RUNDC3B: variants seen among roughly 807,000 people sequenced by gnomAD.
RUNDC3B encodes the protein RUN domain containing 3B, also known as RUN domain-containing protein 3B.
Under a neutral mutation model 58.4 loss-of-function variants are expected in RUNDC3B, and 33 were observed. The ratio of observed to expected loss-of-function variants is 0.56; its 90% CI spans 0.43 to 0.75. The LOEUF is 0.75. Among genes scored for constraint, RUNDC3B ranks in the 30% least tolerant of loss-of-function variants. RUNDC3B has a pLI of 0.00. For missense variants in RUNDC3B, 501 were observed against 535.7 expected, an observed-to-expected ratio of 0.94 and a Z score of 0.64; for synonymous variants, 193 against 195.2, an observed-to-expected ratio of 0.99 and a Z score of 0.10.
chr7:87,788,412 A>G (rs1256959370), intron 8 of RUNDC3B, among the ~76,000 whole-genome samples: 2 of 152,192 alleles, frequency 1.3e-5, no homozygotes, highest in African/African-American at 4.8e-5. Context: ...TGGTTAGAAT[A>G]TTTAAGTATT....
chr7:87,706,437 A>G (rs1459804890), intron 3 of RUNDC3B, among the ~76,000 whole-genome samples: 1 of 152,182 alleles, frequency 6.6e-6, no homozygotes, highest in East Asian at 1.9e-4. Context: ...TCGATCCCAA[A>G]GGTAAGAAAA....
chr7:87,830,262 G>A lies in RUNDC3B; in HGVS notation c.*232G>A, dbSNP rs1838060622. On this transcript the variant is annotated 3_prime_UTR_variant, in exon 11 of 11. Transcript: ENST00000394654. ...ATTGAGAAAGTTCAAAATGGAATAGGCTTTAAAAAAAAAAAAACTTTCAAA... is the reference window on the plus strand; with the variant it reads ...ATTGAGAAAGTTCAAAATGGAATAGACTTTAAAAAAAAAAAAACTTTCAAA... The A allele has an allele frequency of 6.5e-6, 2 of 306,732 alleles. No homozygotes were observed. Among genetic ancestry groups the A allele is most frequent in the Admixed American group, 1.0e-4 (2 of 19,962 alleles). 19.0% of individuals were successfully genotyped at this position (306,732 alleles called of 1,614,324 possible). A position where few individuals can be genotyped will look rare whatever the true frequency, so the allele number is the denominator to read the frequency against.
chr7:87,645,242 C>A (rs1822878486), intron 1 of RUNDC3B, among the ~76,000 whole-genome samples: 1 of 152,052 alleles, frequency 6.6e-6, no homozygotes, highest in African/African-American at 2.4e-5. Context: ...GCCACCACAA[C>A]CAGCTAATTT....
rs1258079920 is a variant in RUNDC3B, at chr7:87,628,508, G to A, written c.-316G>A. ...TCTGCTGAGGTCCCTCGGGAAGGAG[G>A]AGAGCGCCTGACGCCGACCCGCAGG... is the stretch of plus-strand genomic sequence containing the variant. On this transcript the variant is annotated 5_prime_UTR_variant, in exon 1 of 11. Coordinates refer to ENST00000394654, the MANE Select transcript of RUNDC3B (RefSeq NM_001134405.2). 2 of 245,734 alleles carry A rather than the reference G, an allele frequency of 8.1e-6. No individual in the cohort carries two copies. The highest frequency in any genetic ancestry group is 2.3e-5 in the African/African-American group (1 of 44,356). 15.2% of individuals were successfully genotyped at this position (245,734 alleles called of 1,614,324 possible).
intron 2 of RUNDC3B, among the ~76,000 whole-genome samples, chr7:87,685,046 A>G (rs1175096275): frequency 6.6e-6 from 1 of 152,170 alleles, no homozygotes; most frequent in African/African-American, 2.4e-5. Flanking sequence ...GATTTTAGAT[A>G]TAACAACAAA....
intron 10 of RUNDC3B, among the ~76,000 whole-genome samples, chr7:87,829,496 A>G (rs1838020331): frequency 6.6e-6 from 1 of 152,160 alleles, no homozygotes; most frequent in South Asian, 2.1e-4. Flanking sequence ...CAAACATCAG[A>G]TGGCTATACA....
chr7:87,753,418 C>T (rs1356740432), intron 6 of RUNDC3B, among the ~76,000 whole-genome samples: 1 of 151,944 alleles, frequency 6.6e-6, no homozygotes, highest in African/African-American at 2.4e-5. Context: ...AGTTCAATTC[C>T]TGGGTATCCT....
At chr7:87,655,612 T>C (rs139096663) in intron 2 of RUNDC3B, among the ~76,000 whole-genome samples, 30 of 152,220 alleles carry the variant, frequency 2.0e-4, no homozygotes, top group Non-Finnish European at 3.7e-4. Context: ...AAAAATTCAG[T>C]TAAAAGGAAA....
At chr7:87,747,650 TC>T in intron 6 of RUNDC3B, among the ~76,000 whole-genome samples, 1 of 151,996 alleles carries the variant, frequency 6.6e-6, no homozygotes, top group African/African-American at 2.4e-5. Context: ...CTTGGGCGGG[TC>T]TTGCTATGGC....
At chr7:87,760,241 T>C (rs1011676531) in intron 6 of RUNDC3B, among the ~76,000 whole-genome samples, 1 of 152,128 alleles carries the variant, frequency 6.6e-6, no homozygotes, top group Non-Finnish European at 1.5e-5. Flanking sequence ...ATATAACTAG[T>C]GTGACTGAGG....
intron 2 of RUNDC3B, among the ~76,000 whole-genome samples, chr7:87,696,721 T>C (rs904228954): frequency 6.6e-5 from 10 of 152,302 alleles, no homozygotes; most frequent in African/African-American, 2.4e-4. Flanking sequence ...ATCTAATTTG[T>C]AGAGCAGATA....
At chr7:87,735,768 T>C (rs182958789) in intron 4 of RUNDC3B, among the ~76,000 whole-genome samples, 71 of 152,300 alleles carry the variant, frequency 4.7e-4, no homozygotes, top group Admixed American at 3.9e-3. Context: ...AGTTGGGCTT[T>C]CCTTCCATTT....
At chr7:87,779,773 AC>A (rs1309373110) in intron 8 of RUNDC3B, among the ~76,000 whole-genome samples, 2 of 150,390 alleles carry the variant, frequency 1.3e-5, no homozygotes, top group Admixed American at 6.7e-5. Context: ...TTCAGCCCTT[AC>A]CCCCCACCCT....
At chr7:87,824,542 C>A (rs1256417088) in intron 10 of RUNDC3B, among the ~76,000 whole-genome samples, 1 of 152,018 alleles carries the variant, frequency 6.6e-6, no homozygotes, top group Admixed American at 6.6e-5. Flanking sequence ...TAAATTGGTA[C>A]CAGTAGAGTG....
chr7:87,770,480 A>G, intron 6 of RUNDC3B, 101 bp from the exon 7 acceptor site: 2 of 882,434 alleles, frequency 2.3e-6, no homozygotes, highest in South Asian at 1.6e-5. Flanking sequence ...TTAGTACTAA[A>G]TATTTTCGAA....
chr7:87,701,210 G>T (rs1470139103), intron 3 of RUNDC3B, among the ~76,000 whole-genome samples: 3 of 152,092 alleles, frequency 2.0e-5, no homozygotes, highest in Non-Finnish European at 4.4e-5. Context: ...TTACTGAAAA[G>T]AAAAACTTAT....
chr7:87,805,284 A>G (rs577684612), intron 8 of RUNDC3B, among the ~76,000 whole-genome samples: 1 of 152,322 alleles, frequency 6.6e-6, no homozygotes, highest in Admixed American at 6.5e-5. Context: ...TGCCTGTCCC[A>G]TAGTGTACTT....
Position 87,832,022 on chromosome 7 carries a change from T to C in RUNDC3B, c.*1992T>C, listed in dbSNP as rs185242999. The C allele has an allele frequency of 3.4e-4, 52 of 152,082 alleles. No individual in the cohort carries two copies. Among genetic ancestry groups the C allele is most frequent in the African/African-American group, 8.4e-4 (35 of 41,552 alleles). 9.4% of individuals were successfully genotyped at this position (152,082 alleles called of 1,614,324 possible). A position where few individuals can be genotyped will look rare whatever the true frequency, so the allele number is the denominator to read the frequency against. On this transcript the variant is annotated 3_prime_UTR_variant, in exon 11 of 11. Coordinates refer to ENST00000394654, the MANE Select transcript of RUNDC3B (RefSeq NM_001134405.2). Reference sequence around the variant, plus strand: ...AACATTACATCTGAGGATCATGACTTTTCCTCCTTTCTTGGAGATCTTGGT... The same window carrying C: ...AACATTACATCTGAGGATCATGACTCTTCCTCCTTTCTTGGAGATCTTGGT...
At chr7:87,765,706 A>T (rs1833942006) in intron 6 of RUNDC3B, among the ~76,000 whole-genome samples, 1 of 152,000 alleles carries the variant, frequency 6.6e-6, no homozygotes, top group African/African-American at 2.4e-5. Flanking sequence ...TTGCTTTATG[A>T]CCAACCATAT....
Sources: gnomAD v4.1 joint callset for allele counts (sites outside exome capture counted in the v4.1 genomes callset) on GRCh38, gnomAD v4.1.1 for gene constraint, MANE v1.5 for transcripts, NCBI Gene and HGNC (gene_info 2026-07-23, HGNC 2026-07-21) for gene names.